Variants in PRKN observed in about 807,000 individuals in gnomAD.
The protein encoded by PRKN is E3 ubiquitin-protein ligase parkin.
In PRKN, 56 loss-of-function variants were observed where a neutral mutation model predicts 59.5. The ratio of observed to expected loss-of-function variants is 0.94; its 90% CI spans 0.76 to 1.18. The LOEUF is 1.18. Among genes scored for constraint, PRKN ranks in the 50% most tolerant of loss-of-function variants. The pLI is 0.00. For synonymous variants in PRKN, 250 were observed against 222.1 expected (o/e 1.13, Z -1.12); for missense variants, 657 against 596.4 (o/e 1.10, Z -1.06).
chr6:161,881,755 C>T (rs1256945634), intron 6 of PRKN, among the ~76,000 whole-genome samples: 3 of 152,188 alleles, frequency 2.0e-5, no homozygotes, highest in African/African-American at 4.8e-5. Context: ...ATGATTGTCC[C>T]GCTTTACAAA....
At chr6:161,836,969 C>T (rs1254750483) in intron 6 of PRKN, among the ~76,000 whole-genome samples, 1 of 152,156 alleles carries the variant, frequency 6.6e-6, no homozygotes, top group African/African-American at 2.4e-5. Flanking sequence ...GGGTTTTATG[C>T]CTCTCGTTTT....
chr6:162,575,224 G>A (rs567827141), intron 1 of PRKN, among the ~76,000 whole-genome samples: 1 of 152,094 alleles, frequency 6.6e-6, no homozygotes, highest in Non-Finnish European at 1.5e-5. Flanking sequence ...CTTGGAGAAA[G>A]CGATGTCTTC....
intron 9 of PRKN, among the ~76,000 whole-genome samples, chr6:161,536,383 C>T (rs183259568): frequency 3.3e-5 from 5 of 150,964 alleles, no homozygotes; most frequent in Admixed American, 2.0e-4. Context: ...ACTACTGACC[C>T]GGAAAATGAG....
At chr6:162,235,137 T>C (rs188125814) in intron 3 of PRKN, among the ~76,000 whole-genome samples, 6 of 152,330 alleles carry the variant, frequency 3.9e-5, no homozygotes, top group Admixed American at 3.9e-4. Flanking sequence ...TTTTATTATG[T>C]GAGGTTTTTT....
intron 5 of PRKN, among the ~76,000 whole-genome samples, chr6:162,017,578 T>A: frequency 6.9e-6 from 1 of 144,636 alleles, no homozygotes; most frequent in East Asian, 2.0e-4. Context: ...TTCAAGAATG[T>A]TTGAAAAACC....
At chr6:162,458,817 T>C (rs1351963377) in intron 1 of PRKN, among the ~76,000 whole-genome samples, 1 of 151,978 alleles carries the variant, frequency 6.6e-6, no homozygotes, top group Non-Finnish European at 1.5e-5. Context: ...AAGAAATAAA[T>C]GTTTTTGTTT....
chr6:162,219,083 G>A (rs1777823594), intron 3 of PRKN, among the ~76,000 whole-genome samples: 2 of 152,124 alleles, frequency 1.3e-5, no homozygotes, highest in African/African-American at 2.4e-5. Context: ...CCAGCTACTT[G>A]GCAGGCTGAG....
chr6:162,105,523 T>G (rs1780158169), intron 4 of PRKN, among the ~76,000 whole-genome samples: 1 of 152,166 alleles, frequency 6.6e-6, no homozygotes, highest in South Asian at 2.1e-4. Flanking sequence ...TGCCTCAGCC[T>G]CCGAAGTAGC....
intron 4 of PRKN, among the ~76,000 whole-genome samples, chr6:162,128,511 G>A (rs550726081): frequency 2.0e-4 from 31 of 152,244 alleles, no homozygotes; most frequent in African/African-American, 7.5e-4. Flanking sequence ...GTAAGCCATA[G>A]CACCAGCCGA....
intron 7 of PRKN, among the ~76,000 whole-genome samples, chr6:161,613,537 T>C (rs939759212): frequency 2.0e-5 from 3 of 152,158 alleles, no homozygotes; most frequent in Admixed American, 6.5e-5. Flanking sequence ...GTGGGTAAAA[T>C]GCTATCAAAC....
At chr6:161,982,201 T>A (rs1781285141) in intron 5 of PRKN, among the ~76,000 whole-genome samples, 1 of 152,108 alleles carries the variant, frequency 6.6e-6, no homozygotes, top group African/African-American at 2.4e-5. Flanking sequence ...ATGTTAAAAG[T>A]GATTCCTGAA....
chr6:162,136,147 A>G (rs1781555770), intron 4 of PRKN, among the ~76,000 whole-genome samples: 1 of 150,446 alleles, frequency 6.6e-6, no homozygotes, highest in South Asian at 2.1e-4. Context: ...TAAATTGTAG[A>G]TAATCTACAG....
At chr6:161,942,772 A>G (rs1779613498) in intron 6 of PRKN, among the ~76,000 whole-genome samples, 1 of 152,218 alleles carries the variant, frequency 6.6e-6, no homozygotes, top group Non-Finnish European at 1.5e-5. Flanking sequence ...GGTTGGAACC[A>G]CAATCTAACA....
intron 3 of PRKN, among the ~76,000 whole-genome samples, chr6:162,212,195 G>T (rs780234330): frequency 5.9e-5 from 9 of 152,024 alleles, no homozygotes; most frequent in Non-Finnish European, 8.8e-5. Flanking sequence ...CTTGCTGTAA[G>T]TTCCCTTCAA....
chr6:161,352,168 T>C lies in PRKN; in HGVS notation c.1286-1957A>G, dbSNP rs1270332543. ...TCACTCTTACCAATTATCTTGTTAA[T>C]TGATTTTTCCTGCCAAATTTTCCAA... On this transcript the variant is annotated intron_variant, in intron 11 of 11. Coordinates refer to ENST00000366898, the MANE Select transcript of PRKN (RefSeq NM_004562.3). The surrounding 1 kb of genome is among the most constrained non-coding windows in gnomAD (Gnocchi z 5.8). Among the ~76,000 whole-genome samples, 2 of 152,250 alleles carry C rather than the reference T, an allele frequency of 1.3e-5. No individual in the cohort carries two copies. The highest frequency in any genetic ancestry group is 1.9e-4 in the East Asian group (1 of 5,198).
At chr6:161,990,292 C>G (rs763638775) in intron 5 of PRKN, among the ~76,000 whole-genome samples, 3 of 152,202 alleles carry the variant, frequency 2.0e-5, no homozygotes, top group Admixed American at 6.5e-5. Flanking sequence ...CTGATTACAG[C>G]TGAAGAAATC....
intron 1 of PRKN, among the ~76,000 whole-genome samples, chr6:162,486,593 C>T (rs9347653): frequency 0.3 from 46,382 of 152,150 alleles, 7,404 homozygotes; most frequent in East Asian, 0.48. Flanking sequence ...AACATGTCCA[C>T]TTGCATTTCT....
chr6:162,724,599 A>G lies in PRKN; in HGVS notation c.7+3063T>C, dbSNP rs139677420. ...GGAAATTAAAGAACAATAAAATTAA[A>G]AAGAAAGAGAAATAAGTTTTCCTGT... On this transcript the variant is annotated intron_variant, in intron 1 of 11. Transcript: ENST00000366898. Among the ~76,000 whole-genome samples, 540 of 152,316 alleles carry G rather than the reference A, an allele frequency of 3.5e-3. 1 individual carries two copies. The highest frequency in any genetic ancestry group is 0.012 in the African/African-American group (513 of 41,558).
At chr6:162,702,803 T>C (rs1240160096) in intron 1 of PRKN, among the ~76,000 whole-genome samples, 1 of 152,196 alleles carries the variant, frequency 6.6e-6, no homozygotes, top group Non-Finnish European at 1.5e-5. Context: ...AGTGCATAAT[T>C]ACCTCAGTGT....
Sources: allele counts gnomAD v4.1 joint callset (sites outside exome capture counted in the v4.1 genomes callset), GRCh38; gene constraint gnomAD v4.1.1; non-coding constraint Gnocchi (gnomAD v3.1); transcripts MANE v1.5; gene names NCBI Gene and HGNC (gene_info 2026-07-23, HGNC 2026-07-21).